COMMD1: variants seen among roughly 807,000 people sequenced by gnomAD.
The protein encoded by COMMD1 is COMM domain-containing protein 1.
COMMD1 carries 10 observed loss-of-function variants against 17.2 expected under a neutral mutation model. The observed-to-expected ratio is 0.58, with a 90% confidence interval of 0.36 to 0.99. COMMD1 has a LOEUF of 0.99. Ranked by LOEUF, COMMD1 falls within the 50% of genes least tolerant of loss-of-function variation. COMMD1 has a pLI of 0.01. For missense variants in COMMD1, 270 were observed against 231.8 expected (o/e 1.17, Z -1.07); for synonymous variants, 97 against 91.6 (o/e 1.06, Z -0.34).
intron 2 of COMMD1, among the ~76,000 whole-genome samples, chr2:62,121,872 G>C (rs1312881949): frequency 3.9e-5 from 6 of 152,082 alleles, no homozygotes; most frequent in Admixed American, 3.9e-4. Flanking sequence ...GCTCACTGCA[G>C]CCTCTATCTC....
intron 2 of COMMD1, among the ~76,000 whole-genome samples, chr2:62,114,288 G>A (rs924698099): frequency 6.6e-6 from 1 of 152,138 alleles, no homozygotes; most frequent in Non-Finnish European, 1.5e-5. Flanking sequence ...AGGATTGACT[G>A]GATATAAGTA....
At chr2:61,995,800 G>T (rs1006815445) in intron 1 of COMMD1, among the ~76,000 whole-genome samples, 3 of 152,166 alleles carry the variant, frequency 2.0e-5, no homozygotes, top group African/African-American at 4.8e-5. Context: ...TGAGAGTGAA[G>T]AGCACTATAA....
intron 2 of COMMD1, among the ~76,000 whole-genome samples, chr2:62,046,800 T>C (rs1000067766): frequency 3.3e-5 from 5 of 152,252 alleles, no homozygotes; most frequent in African/African-American, 9.6e-5. Context: ...TTTCACTCTC[T>C]GCAATAGCTA....
intron 2 of COMMD1, among the ~76,000 whole-genome samples, chr2:62,054,384 T>C (rs1670628898): frequency 1.3e-5 from 2 of 152,198 alleles, no homozygotes; most frequent in Non-Finnish European, 2.9e-5. Context: ...ATAAAAAAAG[T>C]ACCTCTACTC....
At chr2:62,022,081 A>G (rs1669626277) in intron 2 of COMMD1, among the ~76,000 whole-genome samples, 2 of 152,084 alleles carry the variant, frequency 1.3e-5, no homozygotes, top group East Asian at 1.9e-4. Flanking sequence ...TGTAGATCTT[A>G]TATTTAGATT....
At chr2:61,975,341 G>C (rs1671772812) in intron 1 of COMMD1, among the ~76,000 whole-genome samples, 1 of 152,090 alleles carries the variant, frequency 6.6e-6, no homozygotes, top group Non-Finnish European at 1.5e-5. Flanking sequence ...ACGTGTTTTT[G>C]TGTGGATGTA....
chr2:62,037,145 G>A (rs1009640289), intron 2 of COMMD1, among the ~76,000 whole-genome samples: 1 of 152,142 alleles, frequency 6.6e-6, no homozygotes, highest in East Asian at 1.9e-4. Context: ...TGCCTCTGTC[G>A]TAATGTTCCA....
At chr2:62,041,966 AGCGGCT>A (rs1670222538) in intron 2 of COMMD1, among the ~76,000 whole-genome samples, 1 of 152,246 alleles carries the variant, frequency 6.6e-6, no homozygotes, top group African/African-American at 2.4e-5. Context: ...AGAGGACCTC[AGCGGCT>A]TGCCGCTGCT....
At chr2:61,963,053 G>A (rs1275865709) in intron 1 of COMMD1, among the ~76,000 whole-genome samples, 22 of 151,484 alleles carry the variant, frequency 1.5e-4, no homozygotes, top group Non-Finnish European at 4.4e-5. Flanking sequence ...TCAGCTACTC[G>A]GGAGGCTGAG....
chr2:62,053,688 G>T (rs1670604904), intron 2 of COMMD1, among the ~76,000 whole-genome samples: 1 of 152,160 alleles, frequency 6.6e-6, no homozygotes, highest in Admixed American at 6.5e-5. Context: ...AAGGATCAGT[G>T]GCCATAGAAT....
At chr2:61,915,732 A>T in intron 1 of COMMD1, 1 of 453,268 alleles carries the variant, frequency 2.2e-6, no homozygotes, top group Non-Finnish European at 4.4e-6. Context: ...CCTGGGCTTA[A>T]GCAACCCTCT....
chr2:62,000,634 TAAG>T (rs1668902946), intron 1 of COMMD1, 64 bp from the exon 2 acceptor site: 4 of 1,443,486 alleles, frequency 2.8e-6, no homozygotes, highest in Admixed American at 1.7e-5. Flanking sequence ...AATCTGTAGT[TAAG>T]AAGCTATCTT....
chr2:62,104,371 C>A (rs1045021034), intron 2 of COMMD1, among the ~76,000 whole-genome samples: 1 of 151,872 alleles, frequency 6.6e-6, no homozygotes, highest in Non-Finnish European at 1.5e-5. Flanking sequence ...CAGTGGCTCA[C>A]GCCTGTAATC....
chr2:62,130,406 C>A lies in COMMD1; in HGVS notation c.463-5425C>A, dbSNP rs550009520. 4.6e-5 allele frequency among the ~76,000 whole-genome samples: 7 copies of A among 152,126 alleles called. No homozygotes were observed. The East Asian group carries it at 1.2e-3, about 25-fold the overall frequency. On this transcript the variant is annotated intron_variant, in intron 2 of 2. Coordinates refer to ENST00000311832, the MANE Select transcript of COMMD1 (RefSeq NM_152516.4). The stretch of plus-strand genomic sequence containing the variant: ...TCTCCTGCGTCAGCCTCCCAAGTAG[C>A]TGCGATTACAGGTGCACACCTATGT...
chr2:62,091,929 G>C (rs1299915408), intron 2 of COMMD1, among the ~76,000 whole-genome samples: 1 of 152,206 alleles, frequency 6.6e-6, no homozygotes, highest in African/African-American at 2.4e-5. Context: ...CCCTATAATA[G>C]AGGTACCCTA....
intron 1 of COMMD1, among the ~76,000 whole-genome samples, chr2:61,973,980 T>G (rs1436754379): frequency 6.6e-6 from 1 of 152,214 alleles, no homozygotes; most frequent in Non-Finnish European, 1.5e-5. Context: ...TCTCATAGAT[T>G]AGTTTCACTT....
chr2:62,001,245 T>G (rs1253813551), intron 2 of COMMD1, among the ~76,000 whole-genome samples: 1 of 152,180 alleles, frequency 6.6e-6, no homozygotes, highest in African/African-American at 2.4e-5. Flanking sequence ...TGACCACTAC[T>G]GCATTTGGTT....
chr2:62,105,145 G>C (rs1558601861), intron 2 of COMMD1, among the ~76,000 whole-genome samples: 1 of 149,380 alleles, frequency 6.7e-6, no homozygotes, highest in African/African-American at 2.5e-5. Context: ...AAAAGAAAAA[G>C]AAAAAAAAGA....
intron 2 of COMMD1, among the ~76,000 whole-genome samples, chr2:62,047,411 C>T (rs1296836506): frequency 6.6e-6 from 1 of 152,144 alleles, no homozygotes; most frequent in African/African-American, 2.4e-5. Flanking sequence ...ACCTGAGCAT[C>T]CTCCAGTCCT....
Sources: gnomAD v4.1 joint callset for allele counts (sites outside exome capture counted in the v4.1 genomes callset) on GRCh38, gnomAD v4.1.1 for gene constraint, MANE v1.5 for transcripts, NCBI Gene and HGNC (gene_info 2026-07-23, HGNC 2026-07-21) for gene names.